Variants in ARHGEF37 observed in about 807,000 individuals in gnomAD.
The protein encoded by ARHGEF37 is Rho guanine nucleotide exchange factor 37, also known as Rho guanine nucleotide exchange factor (GEF) 37.
ARHGEF37 carries 55 observed loss-of-function variants against 71.1 expected under a neutral mutation model. The observed-to-expected ratio is 0.77, with a 90% CI of 0.62 to 0.97. The LOEUF (loss-of-function observed/expected upper bound fraction) is 0.97, where lower values mean the gene tolerates loss of function less well. ARHGEF37 is among the 50% of genes least tolerant of loss of function. The pLI is 0.00. For missense variants in ARHGEF37, 765 were observed against 836.8 expected, an observed-to-expected ratio of 0.91 and a Z score of 1.06; for synonymous variants, 327 against 350.6, an observed-to-expected ratio of 0.93 and a Z score of 0.75.
chr5:149,628,848 A>G lies in ARHGEF37; in HGVS notation c.1700A>G (p.Tyr567Cys). The G allele has an allele frequency of 6.2e-7, 1 of 1,613,704 alleles. No individual in the cohort carries two copies. Among genetic ancestry groups the G allele is most frequent in the Non-Finnish European group, 8.5e-7 (1 of 1,179,960 alleles). The change falls in exon 12 of 13, where the codon TAC (tyrosine) becomes TGC (cysteine). Residue 567 changes from tyrosine to cysteine, a missense_variant. Coordinates refer to ENST00000333677, the MANE Select transcript of ARHGEF37 (RefSeq NM_001001669.3). ...GYVPAGKLQL[Y>C]HVVPSAEELR... The stretch of plus-strand genomic sequence containing the variant: ...GTGCCGGCTGGGAAACTACAGCTGT[A>G]CCATGTGGTCCCCAGTGCAGAGGAG...
chr5:149,615,162 C>CT (rs917157406), intron 4 of ARHGEF37, among the ~76,000 whole-genome samples: 10 of 152,002 alleles, frequency 6.6e-5, no homozygotes, highest in African/African-American at 2.4e-4. Flanking sequence ...TTTGTTTTCA[C>CT]TTTTTTTAAA....
At chr5:149,594,218 G>C (rs1329452034) in intron 1 of ARHGEF37, among the ~76,000 whole-genome samples, 1 of 152,188 alleles carries the variant, frequency 6.6e-6, no homozygotes, top group African/African-American at 2.4e-5. Flanking sequence ...AATTAATGCT[G>C]TTGTAAGTCT....
chr5:149,556,703 A>G (rs1762762099), intron 1 of ARHGEF37, among the ~76,000 whole-genome samples: 1 of 152,006 alleles, frequency 6.6e-6, no homozygotes, highest in Non-Finnish European at 1.5e-5. Context: ...TTGTATTTTT[A>G]GTAGAGATGG....
upstream of ARHGEF37, among the ~76,000 whole-genome samples, chr5:149,579,801 C>T (rs182633032): frequency 5.9e-5 from 9 of 151,816 alleles, no homozygotes; most frequent in Admixed American, 2.6e-4. Context: ...AGGCTGGCCT[C>T]GAACTCCTGA....
chr5:149,568,073 G>C (rs1013206205), intron 1 of ARHGEF37, among the ~76,000 whole-genome samples: 1 of 151,468 alleles, frequency 6.6e-6, no homozygotes, highest in African/African-American at 2.4e-5. Context: ...TTCCTTAACA[G>C]TCAGAAACCT....
chr5:149,592,435 A>G (rs1763434023), intron 1 of ARHGEF37, among the ~76,000 whole-genome samples: 1 of 152,210 alleles, frequency 6.6e-6, no homozygotes, highest in Non-Finnish European at 1.5e-5. Flanking sequence ...ACATAGCATC[A>G]TGCCCTCGAG....
At chr5:149,610,467 T>C (rs1764045780) in intron 4 of ARHGEF37, among the ~76,000 whole-genome samples, 1 of 152,196 alleles carries the variant, frequency 6.6e-6, no homozygotes, top group Admixed American at 6.5e-5. Context: ...TAAAAAACTT[T>C]AAAACATCAA....
chr5:149,600,679 C>T (rs567077732), intron 2 of ARHGEF37, among the ~76,000 whole-genome samples: 19 of 149,328 alleles, frequency 1.3e-4, no homozygotes, highest in African/African-American at 4.4e-4. Context: ...CTCGCTCTGT[C>T]GCCCAGGCTG....
chr5:149,615,137 A>G (rs1752338380), intron 4 of ARHGEF37, among the ~76,000 whole-genome samples: 1 of 152,096 alleles, frequency 6.6e-6, no homozygotes, highest in African/African-American at 2.4e-5. Context: ...TGGCACCATT[A>G]GTTCCAGAGT....
At chr5:149,575,979 C>T (rs898400925) in intron 1 of ARHGEF37, among the ~76,000 whole-genome samples, 10 of 152,086 alleles carry the variant, frequency 6.6e-5, no homozygotes, top group Admixed American at 5.9e-4. Flanking sequence ...GGCACAGTGG[C>T]TCATGCCTGT....
At chr5:149,616,306 G>A (rs1752374773) in intron 4 of ARHGEF37, among the ~76,000 whole-genome samples, 1 of 152,196 alleles carries the variant, frequency 6.6e-6, no homozygotes, top group Non-Finnish European at 1.5e-5. Context: ...CGTGTCTGCT[G>A]TGGAGAGGCC....
rs1487600619 is a variant in ARHGEF37, at chr5:149,628,983, G to T, written c.1818+17G>T. The T allele has an allele frequency of 6.2e-7, 1 of 1,605,634 alleles. No individual in the cohort carries two copies. Among genetic ancestry groups the T allele is most frequent in the Middle Eastern group, 2.2e-4 (1 of 4,536 alleles). ...ATGAACCAGGTGAGTATAGGAGAGG[G>T]CTGGGGGCTTGCCTCCCATCGGCCA... is the stretch of plus-strand genomic sequence containing the variant. On this transcript the variant is annotated intron_variant, in intron 12 of 12. Transcript: ENST00000333677.
intron 1 of ARHGEF37, among the ~76,000 whole-genome samples, chr5:149,583,509 A>G (rs1324752201): frequency 1.3e-5 from 2 of 152,196 alleles, no homozygotes; most frequent in Non-Finnish European, 2.9e-5. Context: ...CTTATTCAGC[A>G]ATAGAGCCTC....
At chr5:149,622,279 G>A (rs1752570105) in intron 9 of ARHGEF37, among the ~76,000 whole-genome samples, 1 of 152,206 alleles carries the variant, frequency 6.6e-6, no homozygotes, top group East Asian at 1.9e-4. Context: ...GGATAGGACT[G>A]AGATTTCAGA....
chr5:149,615,240 G>T (rs1257167351), intron 4 of ARHGEF37, among the ~76,000 whole-genome samples: 1 of 150,984 alleles, frequency 6.6e-6, no homozygotes, highest in Non-Finnish European at 1.5e-5. Flanking sequence ...GTGTATCCTC[G>T]TACTCCTGGG....
chr5:149,562,923 C>T (rs1471554141), intron 1 of ARHGEF37, among the ~76,000 whole-genome samples: 1 of 152,140 alleles, frequency 6.6e-6, no homozygotes, highest in Non-Finnish European at 1.5e-5. Flanking sequence ...CTTAAATCAT[C>T]CCCCTCCCCC....
chr5:149,585,448 G>C (rs59883777), intron 1 of ARHGEF37, among the ~76,000 whole-genome samples: 253 of 152,128 alleles, frequency 1.7e-3, no homozygotes, highest in African/African-American at 5.4e-3. Context: ...GCTTCCATAC[G>C]AATGGATCTC....
chr5:149,601,045 A>C (rs1763739922), intron 2 of ARHGEF37, 63 bp from the exon 3 acceptor site: 18 of 1,568,162 alleles, frequency 1.1e-5, no homozygotes, highest in Non-Finnish European at 1.6e-5. Context: ...CTACTCTCAA[A>C]AGCCTGCAAA....
chr5:149,573,395 T>C (rs1281601535), intron 1 of ARHGEF37, among the ~76,000 whole-genome samples: 1 of 152,216 alleles, frequency 6.6e-6, no homozygotes, highest in Non-Finnish European at 1.5e-5. Context: ...CACACTTTGT[T>C]AGTTCTTTTT....
Sources: allele counts gnomAD v4.1 joint callset (sites outside exome capture counted in the v4.1 genomes callset), GRCh38; gene constraint gnomAD v4.1.1; transcripts MANE v1.5; gene names NCBI Gene and HGNC (gene_info 2026-07-23, HGNC 2026-07-21).